AUTS2: variants seen among roughly 807,000 people sequenced by gnomAD.
The protein encoded by AUTS2 is activator of transcription and developmental regulator AUTS2.
AUTS2 carries 17 observed loss-of-function variants against 112.4 expected under a neutral mutation model. The ratio of observed to expected loss-of-function variants is 0.15; its 90% confidence interval spans 0.10 to 0.23. The LOEUF (loss-of-function observed/expected upper bound fraction) is 0.23. AUTS2 is among the 10% of genes least tolerant of loss of function. The pLI is 1.00. For missense variants in AUTS2, 1,510 were observed against 1,701.6 expected (o/e 0.89, Z 1.98); for synonymous variants, 751 against 702.7 (o/e 1.07, Z -1.09).
At chr7:70,191,536 A>T (rs987448465) in intron 4 of AUTS2, among the ~76,000 whole-genome samples, 2 of 152,228 alleles carry the variant, frequency 1.3e-5, no homozygotes, top group Non-Finnish European at 2.9e-5. Flanking sequence ...ACATCAAATT[A>T]TCAACTTTCA....
chr7:70,038,370 T>G (rs1298964937), intron 2 of AUTS2, among the ~76,000 whole-genome samples: 1 of 152,142 alleles, frequency 6.6e-6, no homozygotes, highest in African/African-American at 2.4e-5. Context: ...GATAAACACA[T>G]CCATAAGAGT....
At chr7:69,748,289 G>T (rs1262388544) in intron 1 of AUTS2, among the ~76,000 whole-genome samples, 1 of 152,196 alleles carries the variant, frequency 6.6e-6, no homozygotes, top group Admixed American at 6.5e-5. Flanking sequence ...AACTGCGTGT[G>T]TGGGGAGACC....
intron 4 of AUTS2, among the ~76,000 whole-genome samples, chr7:70,427,395 G>A (rs1795479984): frequency 6.6e-6 from 1 of 152,036 alleles, no homozygotes; most frequent in African/African-American, 2.4e-5. Flanking sequence ...TCATCTTTGG[G>A]GTTTATGTAT....
chr7:70,370,200 A>G (rs1792775660), intron 4 of AUTS2, among the ~76,000 whole-genome samples: 1 of 152,186 alleles, frequency 6.6e-6, no homozygotes, highest in South Asian at 2.1e-4. Context: ...CACCCACTTA[A>G]GGTATACACT....
chr7:70,756,510 A>G (rs1229387270), intron 6 of AUTS2, among the ~76,000 whole-genome samples: 1 of 152,246 alleles, frequency 6.6e-6, no homozygotes, highest in Non-Finnish European at 1.5e-5. Context: ...ACCCATCTAC[A>G]TACATAATTT....
chr7:70,282,336 G>A (rs1410945367), intron 4 of AUTS2, among the ~76,000 whole-genome samples: 1 of 151,982 alleles, frequency 6.6e-6, no homozygotes, highest in Non-Finnish European at 1.5e-5. Context: ...GTCCACTCAG[G>A]CTGCTATAAC....
rs557521513 is a variant in AUTS2, at chr7:69,756,701, T to C, written c.310-142585T>C. 2.6e-5 allele frequency among the ~76,000 whole-genome samples: 4 copies of C among 152,288 alleles called. No homozygotes were observed. In the East Asian group the frequency reaches 7.7e-4, roughly 29 times the overall value. On this transcript the variant is annotated intron_variant, in intron 1 of 18. Coordinates refer to ENST00000342771, the MANE Select transcript of AUTS2 (RefSeq NM_015570.4). ...CCTGAATGCAGGGATGACTTGCTAG[T>C]AACTACCAGTTTTTATCAGAAAGCA...
intron 5 of AUTS2, among the ~76,000 whole-genome samples, chr7:70,605,361 G>A (rs1197988367): frequency 6.6e-6 from 1 of 152,122 alleles, no homozygotes; most frequent in Non-Finnish European, 1.5e-5. Flanking sequence ...TGGCATTCAT[G>A]TTCACAGGCT....
At chr7:69,845,328 C>T (rs1792148626) in intron 1 of AUTS2, among the ~76,000 whole-genome samples, 2 of 152,164 alleles carry the variant, frequency 1.3e-5, no homozygotes, top group African/African-American at 4.8e-5. Context: ...CATTACCACT[C>T]CGTTATCCCT....
chr7:69,928,120 G>T (rs1447990276), intron 2 of AUTS2, among the ~76,000 whole-genome samples: 1 of 152,212 alleles, frequency 6.6e-6, no homozygotes, highest in African/African-American at 2.4e-5. Flanking sequence ...GAGACCTGAA[G>T]TGAGTAGCTC....
At chr7:70,349,067 A>T (rs942197379) in intron 4 of AUTS2, among the ~76,000 whole-genome samples, 3 of 152,208 alleles carry the variant, frequency 2.0e-5, no homozygotes, top group African/African-American at 7.2e-5. Context: ...TCCAAACCCC[A>T]TATGAAGTAG....
At chr7:69,770,373 C>T (rs1044671490) in intron 1 of AUTS2, among the ~76,000 whole-genome samples, 1 of 152,122 alleles carries the variant, frequency 6.6e-6, no homozygotes. Context: ...GAAAGGTTTT[C>T]GACACCTGAG....
chr7:70,627,728 A>G (rs1765783215), intron 5 of AUTS2, among the ~76,000 whole-genome samples: 1 of 152,236 alleles, frequency 6.6e-6, no homozygotes, highest in African/African-American at 2.4e-5. Flanking sequence ...CCCACATGCA[A>G]TGGAAAAAGG....
In AUTS2 at chr7:70,752,865, T is replaced by C. The variant is rs139500584; in HGVS notation, c.743-10005T>C. Among the ~76,000 whole-genome samples the C allele has an allele frequency of 7.1e-4, 108 of 152,250 alleles. 2 individuals are homozygous for C. In the East Asian group the frequency reaches 0.02, roughly 28 times the overall value. ...GCTTGAGACTGCAAAATAAACAAAA[T>C]GTTTGCAAGTCCAGGTTGACCCTAA... is the stretch of plus-strand genomic sequence containing the variant. On this transcript the variant is annotated intron_variant, in intron 6 of 18. Coordinates refer to ENST00000342771, the MANE Select transcript of AUTS2 (RefSeq NM_015570.4).
intron 3 of AUTS2, chr7:70,120,484 C>G (rs1562713934): frequency 6.6e-6 from 1 of 152,072 alleles, no homozygotes; most frequent in Non-Finnish European, 1.5e-5. Context: ...CTTTTCTTAT[C>G]TAAGTTGTTA....
intron 1 of AUTS2, 52 bp from the exon 2 acceptor site, chr7:69,899,234 C>A: frequency 7.1e-7 from 1 of 1,400,856 alleles, no homozygotes; most frequent in Non-Finnish European, 1.0e-6. Context: ...TGGGTGTGAC[C>A]CTAGATACCT....
chr7:69,836,872 A>G (rs998498455), intron 1 of AUTS2, among the ~76,000 whole-genome samples: 2 of 152,218 alleles, frequency 1.3e-5, no homozygotes, highest in African/African-American at 4.8e-5. Flanking sequence ...GATGATAGCC[A>G]TAGTTTGTAC....
chr7:70,128,530 A>AT (rs1806099199), intron 3 of AUTS2, among the ~76,000 whole-genome samples: 2 of 152,200 alleles, frequency 1.3e-5, no homozygotes, highest in African/African-American at 4.8e-5. Flanking sequence ...GTGAAGGTCT[A>AT]TGGGAAGAAC....
chr7:69,666,255 G>A (rs1039739439), intron 1 of AUTS2, among the ~76,000 whole-genome samples: 1 of 152,156 alleles, frequency 6.6e-6, no homozygotes, highest in African/African-American at 2.4e-5. Flanking sequence ...TGACCAACAT[G>A]TATACATTCT....
Sources: gnomAD v4.1 joint callset for allele counts (sites outside exome capture counted in the v4.1 genomes callset) on GRCh38, gnomAD v4.1.1 for gene constraint, MANE v1.5 for transcripts, NCBI Gene and HGNC (gene_info 2026-07-23, HGNC 2026-07-21) for gene names.